ZFHX3: variants seen among roughly 807,000 people sequenced by gnomAD.
ZFHX3 encodes the protein zinc finger homeobox protein 3.
A neutral mutation model predicts 279.1 loss-of-function variants in ZFHX3; 42 were observed. The observed-to-expected ratio is 0.15, with a 90% CI of 0.12 to 0.19. The LOEUF is 0.19. Among genes scored for constraint, ZFHX3 ranks in the 10% least tolerant of loss-of-function variants. The pLI is 1.00. For missense variants in ZFHX3, 4,981 were observed against 4,754.0 expected (o/e 1.05, Z -1.40); for synonymous variants, 2,293 against 1,957.8 (o/e 1.17, Z -4.52).
At chr16:72,813,099 T>G (rs982865479) in intron 5 of ZFHX3, among the ~76,000 whole-genome samples, 1 of 152,206 alleles carries the variant, frequency 6.6e-6, no homozygotes, top group Non-Finnish European at 1.5e-5. Context: ...TTCCATAACC[T>G]GGTCAATATC....
At chr16:73,699,148 A>G (rs767064299) in intron 1 of ZFHX3, among the ~76,000 whole-genome samples, 12 of 152,056 alleles carry the variant, frequency 7.9e-5, no homozygotes, top group Non-Finnish European at 1.5e-4. Context: ...CTCCCAATCA[A>G]GTACGGTTTT....
At chr16:73,561,684 C>A (rs1330113538) in intron 2 of ZFHX3, among the ~76,000 whole-genome samples, 2 of 152,124 alleles carry the variant, frequency 1.3e-5, no homozygotes, top group African/African-American at 4.8e-5. Flanking sequence ...AACTCTCTCC[C>A]AGTGATTTCT....
intron 1 of ZFHX3, among the ~76,000 whole-genome samples, chr16:73,039,909 G>A (rs9940321): frequency 0.42 from 64,349 of 151,872 alleles, 14,395 homozygotes; most frequent in East Asian, 0.63. Context: ...TCCAGAGCTC[G>A]GAACTGGTCA....
intron 2 of ZFHX3, among the ~76,000 whole-genome samples, chr16:73,546,612 G>A (rs544802498): frequency 6.7e-4 from 102 of 152,072 alleles, no homozygotes; most frequent in African/African-American, 2.4e-3. Context: ...GAGATTGCCA[G>A]CCCCAGGAAG....
chr16:73,287,544 G>A lies in ZFHX3; in HGVS notation c.-1193-30408C>T, dbSNP rs534446639. ...CATGTGTGGCTGTGTGGGTGTGTGG[G>A]TCAGTGTGTGGCTGTGTGGGTCGGT... On this transcript the variant is annotated intron_variant, in intron 4 of 17. Transcript: ENST00000641206. Among the ~76,000 whole-genome samples, 238 of 147,558 alleles carry A rather than the reference G, an allele frequency of 1.6e-3. 2 individuals carry two copies. Among genetic ancestry groups the A allele is most frequent in the Non-Finnish European group, 3.0e-3 (198 of 66,676 alleles).
chr16:72,840,962 T>C (rs973563029), intron 4 of ZFHX3, among the ~76,000 whole-genome samples: 1 of 152,202 alleles, frequency 6.6e-6, no homozygotes, highest in Admixed American at 6.5e-5. Flanking sequence ...CAGCTAAATC[T>C]GCTCTCCCTT....
chr16:73,438,280 C>T (rs553932936), intron 3 of ZFHX3, among the ~76,000 whole-genome samples: 7 of 152,258 alleles, frequency 4.6e-5, no homozygotes, highest in South Asian at 4.1e-4. Context: ...AGATTAACAG[C>T]AAATGGAGGA....
At chr16:73,080,687 C>T (rs62052373) in intron 8 of ZFHX3, among the ~76,000 whole-genome samples, 2,439 of 152,180 alleles carry the variant, frequency 0.016, 27 homozygotes, top group South Asian at 0.047. Context: ...GATCCTTCCA[C>T]GTCAGCCTCC....
At chr16:73,808,975 G>T (rs1960356360) in intron 1 of ZFHX3, among the ~76,000 whole-genome samples, 1 of 152,216 alleles carries the variant, frequency 6.6e-6, no homozygotes, top group South Asian at 2.1e-4. Context: ...TACTGACCCA[G>T]TGCCGGATAG....
intron 4 of ZFHX3, among the ~76,000 whole-genome samples, chr16:72,872,709 T>G (rs2143968321): frequency 6.6e-6 from 1 of 152,318 alleles, no homozygotes; most frequent in East Asian, 1.9e-4. Context: ...TCCACCCGCC[T>G]CGGCCTCACA....
chr16:73,075,154 T>G (rs943067538), intron 8 of ZFHX3, among the ~76,000 whole-genome samples: 13 of 152,082 alleles, frequency 8.5e-5, no homozygotes, highest in African/African-American at 3.1e-4. Context: ...TATTACCTAC[T>G]AAAAGGAAGA....
At position 72,788,134 on chromosome 16, in the gene ZFHX3, C is replaced by CGCT. The variant is rs372741038; in HGVS notation, c.10139_10141dup (p.Gln3380dup). 1.6e-3 allele frequency: 2,538 copies of CGCT among 1,596,610 alleles called. 32 individuals carry two copies. In the South Asian group the frequency reaches 0.024, roughly 15 times the overall value. On this transcript the variant is annotated inframe_insertion, in exon 10 of 10. Transcript: ENST00000268489. ...TTGCTGCTGCTGCTGCTGTAGTTGCCGCTGCTGCTGCTGCTGAATTGCCTC... is the reference window on the plus strand; with the variant it reads ...TTGCTGCTGCTGCTGCTGTAGTTGCCGCTGCTGCTGCTGCTGCTGAATTGCCTC...
At chr16:73,334,290 C>T (rs570325646) in intron 3 of ZFHX3, among the ~76,000 whole-genome samples, 168 of 152,118 alleles carry the variant, frequency 1.1e-3, no homozygotes, top group African/African-American at 4.0e-3. Flanking sequence ...TTTGCTGATC[C>T]GTGGGAGGGC....
chr16:73,882,814 G>C (rs2030215124), intron 1 of ZFHX3, among the ~76,000 whole-genome samples: 1 of 151,930 alleles, frequency 6.6e-6, no homozygotes, highest in Non-Finnish European at 1.5e-5. Context: ...TCAGCATTTT[G>C]TTTATTCCAT....
At chr16:73,018,378 G>T (rs1012705242) in intron 1 of ZFHX3, among the ~76,000 whole-genome samples, 1 of 152,216 alleles carries the variant, frequency 6.6e-6, no homozygotes, top group Non-Finnish European at 1.5e-5. Flanking sequence ...GAGGCTGAAC[G>T]GGGTAGATCA....
At chr16:73,581,285 A>T (rs2051858133) in intron 2 of ZFHX3, among the ~76,000 whole-genome samples, 1 of 151,916 alleles carries the variant, frequency 6.6e-6, no homozygotes, top group Non-Finnish European at 1.5e-5. Flanking sequence ...CTTTGTTTAT[A>T]TATATGATTT....
intron 4 of ZFHX3, among the ~76,000 whole-genome samples, chr16:72,886,573 T>C (rs1216061084): frequency 6.6e-6 from 1 of 151,972 alleles, no homozygotes; most frequent in East Asian, 1.9e-4. Context: ...AAAGGAATTC[T>C]GAGCAGAGTA....
intron 1 of ZFHX3, among the ~76,000 whole-genome samples, chr16:73,024,964 C>A (rs1964444240): frequency 6.6e-6 from 1 of 152,142 alleles, no homozygotes; most frequent in African/African-American, 2.4e-5. Context: ...CTTGACTGCC[C>A]CTTAGACACC....
chr16:73,760,165 T>C (rs1020213771), intron 1 of ZFHX3, among the ~76,000 whole-genome samples: 1 of 152,060 alleles, frequency 6.6e-6, no homozygotes, highest in African/African-American at 2.4e-5. Context: ...AACACCTCTA[T>C]GGAAATAAAC....
Sources: gnomAD v4.1 joint callset for allele counts (sites outside exome capture counted in the v4.1 genomes callset) on GRCh38, gnomAD v4.1.1 for gene constraint, MANE v1.5 for transcripts, NCBI Gene and HGNC (gene_info 2026-07-23, HGNC 2026-07-21) for gene names.